The following DCX variants were observed in gnomAD, a reference collection of about 807,000 sequenced individuals.
DCX encodes the protein doublecortin, also known as neuronal migration protein doublecortin.
In DCX, 4 loss-of-function variants were observed where a neutral mutation model predicts 20.9. That is an observed-to-expected ratio of 0.19 (90% CI 0.09 to 0.44). The LOEUF (loss-of-function observed/expected upper bound fraction) is 0.44. DCX is among the 20% of genes least tolerant of loss of function. DCX has a pLI of 0.99. For missense variants in DCX, 133 were observed against 296.9 expected, an observed-to-expected ratio of 0.45 and a Z score of 4.06; for synonymous variants, 103 against 111.4, an observed-to-expected ratio of 0.92 and a Z score of 0.47.
At chrX:111,323,603 GTTT>G (rs780794851) in intron 5 of DCX, among the ~76,000 whole-genome samples, 35 of 52,167 alleles carry the variant, frequency 6.7e-4, no homozygotes, top group African/African-American at 2.4e-3. Context: ...TATTATTTCT[GTTT>G]TTTTTTTTTT....
At chrX:111,396,500 A>T (rs1434021634) in intron 3 of DCX, among the ~76,000 whole-genome samples, 1 of 111,918 alleles carries the variant, frequency 8.9e-6, no homozygotes, top group African/African-American at 3.2e-5. Context: ...CAGCTGCACC[A>T]CTGTGTATGA....
intron 5 of DCX, among the ~76,000 whole-genome samples, chrX:111,322,704 C>G (rs2095089421): frequency 8.9e-6 from 1 of 112,002 alleles, no homozygotes. Context: ...AATGGAAAAG[C>G]TTTTGTCCCT....
At chrX:111,392,160 A>C (rs1370245163) in intron 3 of DCX, among the ~76,000 whole-genome samples, 1 of 111,704 alleles carries the variant, frequency 9.0e-6, no homozygotes, top group Non-Finnish European at 1.9e-5. Context: ...TGGGGGACAA[A>C]TATCTACATA....
At chrX:111,383,772 A>C (rs761486016) in intron 3 of DCX, among the ~76,000 whole-genome samples, 1 of 111,429 alleles carries the variant, frequency 9.0e-6, no homozygotes, top group Admixed American at 9.6e-5. Context: ...GATTTAAAAA[A>C]TACTGACACT....
chrX:111,303,962 A>G (rs1252538582), intron 6 of DCX, among the ~76,000 whole-genome samples: 2 of 112,158 alleles, frequency 1.8e-5, no homozygotes, highest in African/African-American at 6.5e-5. Flanking sequence ...TTAAAAAAAC[A>G]TATTTTAGAT....
At chrX:111,379,993 A>G (rs1301063245) in intron 3 of DCX, among the ~76,000 whole-genome samples, 1 of 111,683 alleles carries the variant, frequency 9.0e-6, no homozygotes, top group Non-Finnish European at 1.9e-5. Context: ...TTGGAGAAAT[A>G]TCTATTCAAG....
At chrX:111,338,935 C>T (rs1921982349) in intron 3 of DCX, among the ~76,000 whole-genome samples, 2 of 111,691 alleles carry the variant, frequency 1.8e-5, no homozygotes, top group African/African-American at 6.5e-5. Context: ...CCAACAATGG[C>T]TTCCATGTTG....
rs1351509385 is a variant in DCX at position 111,299,883 on chromosome X, A to T, written c.*1804T>A. ...GGGGCATCTGAGCTACCCCACCACC[A>T]CTGGGTTCCCCCCTACACAGTGCAC... On this transcript the variant is annotated 3_prime_UTR_variant, in exon 7 of 7. Coordinates refer to ENST00000636035, the MANE Select transcript of DCX (RefSeq NM_001195553.2). 9.0e-6 allele frequency: 1 copy of T among 111,157 alleles called. No homozygotes were observed. The highest frequency in any genetic ancestry group is 1.9e-5 in the Non-Finnish European group (1 of 53,012). The allele number at this position is 111,157 out of a possible 1,213,427, so 9.2% of individuals were successfully genotyped here.
At chrX:111,316,094 A>AT (rs1241150346) in intron 5 of DCX, among the ~76,000 whole-genome samples, 16 of 94,445 alleles carry the variant, frequency 1.7e-4, no homozygotes, top group Non-Finnish European at 3.0e-4. Context: ...AATAAAAAAA[A>AT]AAAAAAAAAA....
chrX:111,301,079 C>G lies in DCX; in HGVS notation c.*608G>C, dbSNP rs1312613674. The G allele has an allele frequency of 8.8e-6, 1 of 114,262 alleles. No homozygotes were observed. Among genetic ancestry groups the G allele is most frequent in the African/African-American group, 3.2e-5 (1 of 30,789 alleles). The allele number at this position is 114,262 out of a possible 1,213,427, so 9.4% of individuals were successfully genotyped here. On this transcript the variant is annotated 3_prime_UTR_variant, in exon 7 of 7. Coordinates refer to ENST00000636035, the MANE Select transcript of DCX (RefSeq NM_001195553.2). Reference sequence around the variant, plus strand: ...TCTTAGCTAACCCAGCACCAGGATCCTAAGCATCTGGTGTCACAATTATAA... The same window carrying G: ...TCTTAGCTAACCCAGCACCAGGATCGTAAGCATCTGGTGTCACAATTATAA...
At chrX:111,410,749 C>G in intron 1 of DCX, 1 of 1,207,154 alleles carries the variant, frequency 8.3e-7, no homozygotes, top group Non-Finnish European at 1.1e-6. Context: ...AATCCTGAGA[C>G]TTACTGACAG....
At chrX:111,351,329 T>G (rs1445613361) in intron 3 of DCX, among the ~76,000 whole-genome samples, 1 of 112,098 alleles carries the variant, frequency 8.9e-6, no homozygotes, top group African/African-American at 3.2e-5. Flanking sequence ...ATACTTCCAG[T>G]GTAACAGATA....
At chrX:111,342,340 T>C (rs1196493421) in intron 3 of DCX, among the ~76,000 whole-genome samples, 1 of 4,538 alleles carries the variant, frequency 2.2e-4, no homozygotes, top group Non-Finnish European at 3.2e-4. Flanking sequence ...AGCTAACTAT[T>C]ATATATATAT....
At chrX:111,382,889 T>C (rs1926094259) in intron 3 of DCX, among the ~76,000 whole-genome samples, 1 of 111,021 alleles carries the variant, frequency 9.0e-6, no homozygotes, top group African/African-American at 3.3e-5. Context: ...AAATGGTCTC[T>C]GAGACAAAGA....
intron 3 of DCX, among the ~76,000 whole-genome samples, chrX:111,356,788 T>C (rs2147683019): frequency 8.9e-6 from 1 of 111,871 alleles, no homozygotes; most frequent in South Asian, 3.8e-4. Context: ...AATCAAAAGA[T>C]TGATGTTGAA....
rs2095028023 is a variant in DCX, at chrX:111,299,099, T to A, written c.*2588A>T. The A allele has an allele frequency of 9.0e-6, 1 of 110,509 alleles. No individual in the cohort carries two copies. The highest frequency in any genetic ancestry group is 3.9e-4 in the South Asian group (1 of 2,553). The allele number at this position is 110,509 out of a possible 1,213,427, so 9.1% of individuals were successfully genotyped here. A position where few individuals can be genotyped will look rare whatever the true frequency, so the allele number is the denominator to read the frequency against. On this transcript the variant is annotated 3_prime_UTR_variant, in exon 7 of 7. Transcript: ENST00000636035. Reference sequence around the variant, plus strand: ...AAATTGGATTGGGTAAAATTGGAAGTGAATGACAGGGGTGGAGGAGCTCAG... The same window carrying A: ...AAATTGGATTGGGTAAAATTGGAAGAGAATGACAGGGGTGGAGGAGCTCAG...
chrX:111,370,781 T>C (rs909117855), intron 3 of DCX, among the ~76,000 whole-genome samples: 4 of 103,547 alleles, frequency 3.9e-5, no homozygotes, highest in Non-Finnish European at 8.0e-5. Flanking sequence ...TGGAGAGCTT[T>C]AAAAAAAAAA....
At chrX:111,338,198 A>G (rs1921899860) in intron 3 of DCX, among the ~76,000 whole-genome samples, 1 of 112,307 alleles carries the variant, frequency 8.9e-6, no homozygotes, top group Non-Finnish European at 1.9e-5. Flanking sequence ...TTAATTGCCT[A>G]GACTCACCTG....
intron 3 of DCX, among the ~76,000 whole-genome samples, chrX:111,366,248 GC>G (rs1376065694): frequency 9.0e-6 from 1 of 111,590 alleles, no homozygotes; most frequent in Non-Finnish European, 1.9e-5. Flanking sequence ...GGATTCCTCA[GC>G]CCAGACTGTA....
Sources: allele counts gnomAD v4.1 joint callset (sites outside exome capture counted in the v4.1 genomes callset), GRCh38; gene constraint gnomAD v4.1.1; transcripts MANE v1.5; gene names NCBI Gene and HGNC (gene_info 2026-07-23, HGNC 2026-07-21).